PDS5B: variants seen among roughly 807,000 people sequenced by gnomAD.
The protein encoded by PDS5B is sister chromatid cohesion protein PDS5 homolog B.
Under a neutral mutation model 184.1 loss-of-function variants are expected in PDS5B, and 51 were observed. The ratio of observed to expected loss-of-function variants is 0.28; its 90% CI spans 0.22 to 0.35. The LOEUF (loss-of-function observed/expected upper bound fraction) is 0.35, where lower values mean the gene tolerates loss of function less well. PDS5B is among the 10% of genes least tolerant of loss of function. PDS5B has a pLI of 1.00. For synonymous variants in PDS5B, 566 were observed against 569.2 expected, an observed-to-expected ratio of 0.99 and a Z score of 0.08; for missense variants, 1,180 against 1,723.3, an observed-to-expected ratio of 0.68 and a Z score of 5.58.
intron 1 of PDS5B, among the ~76,000 whole-genome samples, chr13:32,607,594 C>A (rs1028624152): frequency 2.0e-5 from 3 of 152,254 alleles, no homozygotes; most frequent in African/African-American, 7.2e-5. Context: ...AGCTGTCAGA[C>A]AGGGACATTT....
At chr13:32,759,192 A>G (rs1236901928) in intron 28 of PDS5B, among the ~76,000 whole-genome samples, 3 of 152,186 alleles carry the variant, frequency 2.0e-5, no homozygotes, top group Non-Finnish European at 4.4e-5. Context: ...TGAGTAACAG[A>G]GTCTGGAAAT....
chr13:32,632,849 A>G (rs1002436568), intron 1 of PDS5B, among the ~76,000 whole-genome samples: 1 of 151,982 alleles, frequency 6.6e-6, no homozygotes, highest in East Asian at 1.9e-4. Flanking sequence ...CACATCTGCA[A>G]TCCCAGCACT....
At chr13:32,630,029 G>A (rs1481036077) in intron 1 of PDS5B, among the ~76,000 whole-genome samples, 2 of 152,190 alleles carry the variant, frequency 1.3e-5, no homozygotes, top group Non-Finnish European at 2.9e-5. Context: ...GAATGTAGGG[G>A]CCAAGACAAG....
At chr13:32,767,897 A>T (rs764050454) in intron 31 of PDS5B, among the ~76,000 whole-genome samples, 2 of 152,256 alleles carry the variant, frequency 1.3e-5, no homozygotes, top group African/African-American at 4.8e-5. Context: ...GCCCTACCAG[A>T]TACATAATTA....
chr13:32,721,110 A>G (rs1236745619), intron 19 of PDS5B, among the ~76,000 whole-genome samples: 1 of 152,200 alleles, frequency 6.6e-6, no homozygotes, highest in Non-Finnish European at 1.5e-5. Context: ...TTTCTATTCG[A>G]CAAAACCACC....
chr13:32,673,121 A>G lies in PDS5B; in HGVS notation c.706-95A>G, dbSNP rs972442894. 29 of 1,102,612 alleles carry G rather than the reference A, an allele frequency of 2.6e-5. 1 individual carries two copies. The African/African-American group carries it at 2.8e-4, about 11-fold the overall frequency. The allele number at this position is 1,102,612 out of a possible 1,614,324, so 68.3% of individuals were successfully genotyped here. On this transcript the variant is annotated intron_variant, in intron 7 of 34. Transcript: ENST00000315596. Reference sequence around the variant, plus strand: ...TTTGATATGCCTAGTTTGACTTTGTATAAAATAATGATGAATTTGGTCAAA... The same window carrying G: ...TTTGATATGCCTAGTTTGACTTTGTGTAAAATAATGATGAATTTGGTCAAA...
At chr13:32,587,007 C>T (rs1399965434) in intron 1 of PDS5B, among the ~76,000 whole-genome samples, 6 of 128,690 alleles carry the variant, frequency 4.7e-5, no homozygotes, top group African/African-American at 2.3e-4. Context: ...CCGCCGTCGC[C>T]GCCGCCGCGC....
At chr13:32,769,206 A>G (rs2141034564) in intron 31 of PDS5B, among the ~76,000 whole-genome samples, 1 of 152,232 alleles carries the variant, frequency 6.6e-6, no homozygotes, top group South Asian at 2.1e-4. Context: ...ATAGAGGAAT[A>G]TAGAGAAAAC....
At chr13:32,738,586 G>A (rs1953423942) in intron 21 of PDS5B, among the ~76,000 whole-genome samples, 1 of 152,016 alleles carries the variant, frequency 6.6e-6, no homozygotes, top group South Asian at 2.1e-4. Flanking sequence ...ACATGTTATA[G>A]TATCATCATG....
At chr13:32,587,293 C>T (rs1005480444) in intron 1 of PDS5B, among the ~76,000 whole-genome samples, 7 of 151,964 alleles carry the variant, frequency 4.6e-5, no homozygotes, top group Non-Finnish European at 8.8e-5. Context: ...ACCGCGCCAC[C>T]CCGAGTGGTC....
intron 1 of PDS5B, among the ~76,000 whole-genome samples, chr13:32,620,293 CT>C (rs1481434692): frequency 2.0e-5 from 3 of 152,164 alleles, no homozygotes; most frequent in Non-Finnish European, 4.4e-5. Flanking sequence ...ACTGTGGTTT[CT>C]TTCCAATCCT....
intron 1 of PDS5B, among the ~76,000 whole-genome samples, chr13:32,611,804 T>C (rs1053297194): frequency 1.3e-5 from 2 of 151,162 alleles, no homozygotes; most frequent in Non-Finnish European, 3.0e-5. Flanking sequence ...CCACGGTGCC[T>C]GGTTCTCACT....
In PDS5B at chr13:32,704,175, C is replaced by CT. The variant is rs764820960; in HGVS notation, c.1857-2746dup. Among the ~76,000 whole-genome samples the CT allele has an allele frequency of 3.8e-3, 546 of 144,046 alleles. 4 individuals carry two copies. The highest frequency in any genetic ancestry group is 7.7e-3 in the East Asian group (38 of 4,954). The allele number at this position is 144,046 out of a possible 152,430, so 94.5% of individuals were successfully genotyped here. ...TGTAAGGTGGACATAGAGACTTAGT[C>CT]TTTTTTTTTTTTTGAGTAAGTCTCA... is the stretch of plus-strand genomic sequence containing the variant. On this transcript the variant is annotated intron_variant, in intron 17 of 34. Transcript: ENST00000315596.
At chr13:32,593,995 C>G (rs1465804933) in intron 1 of PDS5B, among the ~76,000 whole-genome samples, 1 of 152,078 alleles carries the variant, frequency 6.6e-6, no homozygotes, top group Non-Finnish European at 1.5e-5. Flanking sequence ...TGAATGTTCC[C>G]AACACAAATA....
intron 11 of PDS5B, among the ~76,000 whole-genome samples, chr13:32,685,016 G>C (rs1446524253): frequency 1.3e-5 from 2 of 152,192 alleles, no homozygotes; most frequent in African/African-American, 2.4e-5. Flanking sequence ...GGGAGGCTGA[G>C]GCAGGAGAAT....
intron 1 of PDS5B, among the ~76,000 whole-genome samples, chr13:32,610,154 A>G (rs2058119651): frequency 6.6e-6 from 1 of 152,222 alleles, no homozygotes. Context: ...TGTCTTATGT[A>G]TCAGTGGATT....
intron 1 of PDS5B, among the ~76,000 whole-genome samples, chr13:32,622,298 CT>C (rs1441935035): frequency 2.0e-5 from 3 of 151,936 alleles, no homozygotes; most frequent in Non-Finnish European, 4.4e-5. Context: ...GTATTATTTT[CT>C]TTACTATTCA....
At chr13:32,666,266 C>T (rs904325221) in intron 6 of PDS5B, among the ~76,000 whole-genome samples, 11 of 151,970 alleles carry the variant, frequency 7.2e-5, no homozygotes, top group African/African-American at 1.9e-4. Context: ...TTATTGGAGA[C>T]GGGGTTTTGC....
At chr13:32,717,747 A>G (rs915170629) in intron 19 of PDS5B, among the ~76,000 whole-genome samples, 1 of 150,802 alleles carries the variant, frequency 6.6e-6, no homozygotes, top group Non-Finnish European at 1.5e-5. Context: ...CACCAATGTA[A>G]GTTGTGTCTT....
Sources: allele counts gnomAD v4.1 joint callset (sites outside exome capture counted in the v4.1 genomes callset), GRCh38; gene constraint gnomAD v4.1.1; transcripts MANE v1.5; gene names NCBI Gene and HGNC (gene_info 2026-07-23, HGNC 2026-07-21).